Variants in ADAMTS17 observed in about 807,000 individuals in gnomAD.
ADAMTS17 encodes the protein A disintegrin and metalloproteinase with thrombospondin motifs 17.
Under a neutral mutation model 141.5 loss-of-function variants are expected in ADAMTS17, and 113 were observed. The ratio of observed to expected loss-of-function variants is 0.80; its 90% CI spans 0.69 to 0.93. ADAMTS17 has a LOEUF of 0.93. Ranked by LOEUF, ADAMTS17 falls within the 40% of genes least tolerant of loss-of-function variation. The pLI, the probability that ADAMTS17 is intolerant of heterozygous loss-of-function variation, is 0.00. For missense variants in ADAMTS17, 1,659 were observed against 1,517.9 expected, an observed-to-expected ratio of 1.09 and a Z score of -1.54; for synonymous variants, 768 against 630.6, an observed-to-expected ratio of 1.22 and a Z score of -3.27.
intron 13 of ADAMTS17, among the ~76,000 whole-genome samples, chr15:100,115,928 G>A (rs548276574): frequency 2.4e-4 from 36 of 152,150 alleles, no homozygotes; most frequent in Non-Finnish European, 4.9e-4. Flanking sequence ...GTCAGCTCCC[G>A]CCCTGGCCTC....
rs547671298 is a variant in ADAMTS17, at chr15:100,161,542, G to A, written c.1182-6222C>T. Among the ~76,000 whole-genome samples the A allele has an allele frequency of 4.7e-4, 72 of 152,296 alleles. No homozygotes were observed. In the South Asian group the frequency reaches 0.015, roughly 31 times the overall value. Reference sequence around the variant, plus strand: ...GCCTGGCAATTCCTATTCAATAGATGCTTATTGACTTTGCAGTAACTGGAA... The same window carrying A: ...GCCTGGCAATTCCTATTCAATAGATACTTATTGACTTTGCAGTAACTGGAA... On this transcript the variant is annotated intron_variant, in intron 8 of 21. Transcript: ENST00000268070.
chr15:99,987,360 C>A (rs28549103), intron 20 of ADAMTS17, among the ~76,000 whole-genome samples: 5,832 of 152,258 alleles, frequency 0.038, 383 homozygotes, highest in African/African-American at 0.13. Flanking sequence ...CCCAAGACCT[C>A]GAAACTGGAC....
chr15:100,238,305 C>G (rs1413583235), intron 7 of ADAMTS17, among the ~76,000 whole-genome samples: 1 of 151,864 alleles, frequency 6.6e-6, no homozygotes, highest in Non-Finnish European at 1.5e-5. Flanking sequence ...CCCTTTATCG[C>G]CAGCCTCCAT....
At chr15:100,300,944 T>C (rs1053106730) in intron 3 of ADAMTS17, among the ~76,000 whole-genome samples, 2 of 152,222 alleles carry the variant, frequency 1.3e-5, no homozygotes, top group African/African-American at 4.8e-5. Flanking sequence ...CTATTTGTCA[T>C]CATTTAATTG....
chr15:99,990,291 C>T (rs2060665047), intron 20 of ADAMTS17, among the ~76,000 whole-genome samples: 1 of 152,166 alleles, frequency 6.6e-6, no homozygotes, highest in African/African-American at 2.4e-5. Context: ...CTGCCTTGGC[C>T]TCCCAAAGTG....
chr15:100,235,396 C>T (rs567699112), intron 7 of ADAMTS17, among the ~76,000 whole-genome samples: 59 of 152,174 alleles, frequency 3.9e-4, no homozygotes, highest in Admixed American at 2.1e-3. Context: ...CACCCCACAC[C>T]ATGCACACAC....
At chr15:100,147,481 G>GTAC (rs893054912) in intron 10 of ADAMTS17, among the ~76,000 whole-genome samples, 1 of 152,096 alleles carries the variant, frequency 6.6e-6, no homozygotes, top group East Asian at 1.9e-4. Context: ...GCGTGGTACT[G>GTAC]TACTACTACT....
intron 18 of ADAMTS17, among the ~76,000 whole-genome samples, chr15:100,033,255 G>A (rs148017037): frequency 1.3e-5 from 2 of 152,138 alleles, no homozygotes; most frequent in African/African-American, 4.8e-5. Flanking sequence ...AAATAACCAG[G>A]ATAAGTCTGG....
At position 100,321,572 on chromosome 15, in the gene ADAMTS17, A is replaced by G. The variant is rs146185477; in HGVS notation, c.616+9317T>C. Among the ~76,000 whole-genome samples, 1,043 of 152,322 alleles carry G rather than the reference A, an allele frequency of 6.8e-3. 15 individuals carry two copies. The highest frequency in any genetic ancestry group is 0.024 in the African/African-American group (986 of 41,586). On this transcript the variant is annotated intron_variant, in intron 3 of 21. Transcript: ENST00000268070. ...CTGGCAATACTAACGTTAGCTGAAA[A>G]CATCTGGAAGGACAAAAGTATTGGC...
At position 100,311,370 on chromosome 15, in the gene ADAMTS17, GC is replaced by G. The variant is rs1346172137; in HGVS notation, c.616+19518del. ...CCGCCTGGCCCATGGCCTTCTGGGG[GC>G]CACCATCCCTCCTCCAGCCTCAGGG... On this transcript the variant is annotated intron_variant, in intron 3 of 21. Coordinates refer to ENST00000268070, the MANE Select transcript of ADAMTS17 (RefSeq NM_139057.4). Among the ~76,000 whole-genome samples the G allele has an allele frequency of 3.9e-5, 6 of 152,340 alleles. No homozygotes were observed. In the East Asian group the frequency reaches 1.2e-3, roughly 29 times the overall value.
intron 21 of ADAMTS17, among the ~76,000 whole-genome samples, chr15:99,974,763 C>T (rs1446176514): frequency 6.6e-6 from 1 of 152,238 alleles, no homozygotes; most frequent in South Asian, 2.1e-4. Context: ...CCTTTGCATC[C>T]AAACCCAACC....
At position 100,262,404 on chromosome 15, in the gene ADAMTS17, C is replaced by T. The variant is rs781544160; in HGVS notation, c.821G>A (p.Gly274Glu). The change falls in exon 5 of 22, where the codon GGG (glycine) becomes GAG (glutamate). Residue 274 changes from glycine (G) to glutamate (E), a missense_variant. Coordinates refer to ENST00000268070, the MANE Select transcript of ADAMTS17 (RefSeq NM_139057.4). ...VYNMFQHQSL[G>E]IKINIQVTKL... is the part of the protein sequence containing the mutation. ...GGTCACTTGAATGTTAATTTTAATC[C>T]CCAGGCTCTGGTGCTGAAACATATT... The T allele has an allele frequency of 5.0e-6, 8 of 1,613,696 alleles. No individual in the cohort carries two copies. The highest frequency in any genetic ancestry group is 6.8e-6 in the Non-Finnish European group (8 of 1,179,884).
At chr15:100,332,745 T>A (rs2046093712) in intron 2 of ADAMTS17, among the ~76,000 whole-genome samples, 1 of 152,202 alleles carries the variant, frequency 6.6e-6, no homozygotes, top group Admixed American at 6.5e-5. Flanking sequence ...TCTTTACAAT[T>A]CTCAGGGCCC....
chr15:99,992,573 C>T (rs925638236), intron 20 of ADAMTS17, among the ~76,000 whole-genome samples: 3 of 152,212 alleles, frequency 2.0e-5, no homozygotes, highest in African/African-American at 7.2e-5. Context: ...AGTGCTGACC[C>T]GGCGGTTCTG....
chr15:100,306,417 G>A, intron 3 of ADAMTS17: 1 of 453,490 alleles, frequency 2.2e-6, no homozygotes, highest in Non-Finnish European at 4.4e-6. Context: ...TGCCACCAAG[G>A]TATGGACGCC....
intron 20 of ADAMTS17, among the ~76,000 whole-genome samples, chr15:99,977,401 ATTTTTTTTTTTTT>A (rs71151928): frequency 5.4e-3 from 28 of 5,144 alleles, no homozygotes; most frequent in Non-Finnish European, 9.7e-3. Context: ...TATATATATA[ATTTTTTTTTTTTT>A]TTTTTTTTTT....
rs2043480648 is a variant in ADAMTS17 at position 100,260,556 on chromosome 15, G to A, written c.1031+923C>T. On this transcript the variant is annotated intron_variant, in intron 6 of 21. Transcript: ENST00000268070. ...TTGAACCCAGGACGCAGAGGTTGCA[G>A]TGAGCCAGGATTGCGTCATACTGCA... 1.3e-5 allele frequency among the ~76,000 whole-genome samples: 2 copies of A among 151,728 alleles called. 1 individual carries two copies. Among genetic ancestry groups the A allele is most frequent in the Admixed American group, 1.3e-4 (2 of 15,248 alleles).
chr15:100,100,084 A>G (rs910837116), intron 14 of ADAMTS17, among the ~76,000 whole-genome samples: 1 of 152,138 alleles, frequency 6.6e-6, no homozygotes, highest in Non-Finnish European at 1.5e-5. Flanking sequence ...TTGTGCATGT[A>G]TTGATTCACC....
At position 100,008,104 on chromosome 15, in the gene ADAMTS17, A is replaced by C. The variant is rs182505509; in HGVS notation, c.2592-10515T>G. Among the ~76,000 whole-genome samples, 210 of 152,096 alleles carry C rather than the reference A, an allele frequency of 1.4e-3. 1 individual carries two copies. The highest frequency in any genetic ancestry group is 4.9e-3 in the African/African-American group (203 of 41,482). ...AGGCCTCAGGGGGAAGCAGGGATGG[A>C]TGGGTGAAGGAGAGGGTGGTCCCAA... is the stretch of plus-strand genomic sequence containing the variant. On this transcript the variant is annotated intron_variant, in intron 18 of 21. Transcript: ENST00000268070.
Sources: allele counts gnomAD v4.1 joint callset (sites outside exome capture counted in the v4.1 genomes callset), GRCh38; gene constraint gnomAD v4.1.1; transcripts MANE v1.5; gene names NCBI Gene and HGNC (gene_info 2026-07-23, HGNC 2026-07-21).